Variants in PKNOX2 observed in about 807,000 individuals in gnomAD.
PKNOX2 encodes homeobox protein PKNOX2.
Under a neutral mutation model 53.1 loss-of-function variants are expected in PKNOX2, and 14 were observed. The ratio of observed to expected loss-of-function variants is 0.26; its 90% confidence interval spans 0.17 to 0.41. The LOEUF (loss-of-function observed/expected upper bound fraction) is 0.41. Among genes scored for constraint, PKNOX2 ranks in the 10% least tolerant of loss-of-function variants. PKNOX2 has a pLI of 1.00. For synonymous variants in PKNOX2, 257 were observed against 242.8 expected (o/e 1.06, Z -0.54); for missense variants, 496 against 602.8 (o/e 0.82, Z 1.85).
Position 125,189,417 on chromosome 11 carries a change from G to GTGTATATATATATGTGTGTATATATA in PKNOX2, c.-201+24644_-201+24645insATATATATATGTGTGTATATATATGT, listed in dbSNP as rs1233810916. 3.0e-3 allele frequency among the ~76,000 whole-genome samples: 139 copies of GTGTATATATATATGTGTGTATATATA among 46,478 alleles called. 7 individuals are homozygous for GTGTATATATATATGTGTGTATATATA. Among genetic ancestry groups the GTGTATATATATATGTGTGTATATATA allele is most frequent in the South Asian group, 0.014 (16 of 1,144 alleles). The allele number at this position is 46,478 out of a possible 152,430, so 30.5% of individuals were successfully genotyped here. A position where few individuals can be genotyped will look rare whatever the true frequency, so the allele number is the denominator to read the frequency against. ...TATATATGTGTGTATATATATATGT[G>GTGTATATATATATGTGTGTATATATA]TGTGTGTGTGTGTGTGTGTGTGTGT... On this transcript the variant is annotated intron_variant, in intron 1 of 12. Transcript: ENST00000298282.
chr11:125,384,915 G>T (rs975098280), intron 5 of PKNOX2, among the ~76,000 whole-genome samples: 17 of 152,304 alleles, frequency 1.1e-4, no homozygotes, highest in African/African-American at 4.1e-4. Flanking sequence ...CAAATGATTT[G>T]CATCACATAG....
chr11:125,400,592 C>T (rs765397124), intron 7 of PKNOX2, among the ~76,000 whole-genome samples: 1 of 152,164 alleles, frequency 6.6e-6, no homozygotes, highest in Non-Finnish European at 1.5e-5. Flanking sequence ...ACCATCACTC[C>T]ATGCCTGTCT....
intron 7 of PKNOX2, among the ~76,000 whole-genome samples, chr11:125,408,497 C>T (rs970965415): frequency 1.3e-5 from 2 of 152,166 alleles, no homozygotes; most frequent in Non-Finnish European, 2.9e-5. Flanking sequence ...GAGGCCCGTG[C>T]GGCAGGTGGG....
Position 125,379,787 on chromosome 11 carries a change from A to C in PKNOX2, c.228-5764A>C, listed in dbSNP as rs532585420. Among the ~76,000 whole-genome samples the C allele has an allele frequency of 7.9e-4, 121 of 152,338 alleles. 1 individual carries two copies. The highest frequency in any genetic ancestry group is 7.9e-3 in the South Asian group (38 of 4,820). The stretch of plus-strand genomic sequence containing the variant: ...ACCAGCAAATTTGGGTGATGTAAAA[A>C]ACACGAAGGCAGAAATGTCAGAAGT... On this transcript the variant is annotated intron_variant, in intron 5 of 12. Transcript: ENST00000298282.
At chr11:125,203,929 T>C (rs2015290) in intron 1 of PKNOX2, among the ~76,000 whole-genome samples, 33,095 of 152,092 alleles carry the variant, frequency 0.22, 3,823 homozygotes, top group African/African-American at 0.3. Context: ...CCCCAAACCA[T>C]GCTTCACTTT....
chr11:125,407,621 C>T (rs1013292758), intron 7 of PKNOX2, among the ~76,000 whole-genome samples: 1 of 152,008 alleles, frequency 6.6e-6, no homozygotes, highest in Non-Finnish European at 1.5e-5. Context: ...TACCTTCAAG[C>T]CTGGTGTGGT....
At chr11:125,424,565 G>T (rs1032226047) in intron 10 of PKNOX2, among the ~76,000 whole-genome samples, 1 of 152,154 alleles carries the variant, frequency 6.6e-6, no homozygotes, top group Non-Finnish European at 1.5e-5. Context: ...GGGGAAAAGC[G>T]TGTAGTGGAC....
At chr11:125,214,737 C>T (rs1324962087) in intron 1 of PKNOX2, among the ~76,000 whole-genome samples, 1 of 151,992 alleles carries the variant, frequency 6.6e-6, no homozygotes, top group Non-Finnish European at 1.5e-5. Flanking sequence ...CCTTGCCAAC[C>T]CTTAGACACA....
rs769334617 is a variant in PKNOX2 at position 125,385,702 on chromosome 11, G to A, written c.379G>A (p.Asp127Asn). ...GGAGCACAAACCCTTCTTCAGCGAT[G>A]ACCCAGAACTGGACAATCTGGTAAA... ...EQEHKPFFSD[D>N]PELDNLMVKA... Residue 127 changes from aspartate (D) to asparagine (N), a missense_variant, in exon 6 of 13, where the codon GAC (aspartate) becomes AAC (asparagine). Transcript: ENST00000298282. 1 of 1,613,734 alleles carries A rather than the reference G, an allele frequency of 6.2e-7. No individual in the cohort carries two copies. Among genetic ancestry groups the A allele is most frequent in the Admixed American group, 1.7e-5 (1 of 59,976 alleles).
intron 2 of PKNOX2, among the ~76,000 whole-genome samples, chr11:125,292,741 T>G (rs1301764621): frequency 1.3e-5 from 2 of 152,168 alleles, no homozygotes; most frequent in African/African-American, 4.8e-5. Flanking sequence ...AACGTTGTAG[T>G]CCTAGAGAGA....
intron 1 of PKNOX2, among the ~76,000 whole-genome samples, chr11:125,219,502 A>G (rs1469972404): frequency 6.6e-6 from 1 of 152,172 alleles, no homozygotes; most frequent in Non-Finnish European, 1.5e-5. Flanking sequence ...AAATTTTTAC[A>G]ACTCATATCA....
intron 2 of PKNOX2, among the ~76,000 whole-genome samples, chr11:125,314,640 G>A (rs913906673): frequency 5.3e-5 from 8 of 152,138 alleles, no homozygotes; most frequent in Admixed American, 2.6e-4. Flanking sequence ...TGGGAGCAGA[G>A]GAGGCAGTGC....
chr11:125,263,827 G>A (rs867762336), intron 2 of PKNOX2, among the ~76,000 whole-genome samples: 3 of 152,256 alleles, frequency 2.0e-5, no homozygotes, highest in Non-Finnish European at 4.4e-5. Context: ...TGGAAGAAGT[G>A]TCAGGTCTTT....
intron 1 of PKNOX2, among the ~76,000 whole-genome samples, chr11:125,174,535 C>T (rs907064490): frequency 2.6e-5 from 4 of 152,164 alleles, no homozygotes; most frequent in East Asian, 1.9e-4. Flanking sequence ...GCTGTACATG[C>T]GAGGTCCATC....
chr11:125,178,573 G>GGAAT (rs1252779651), intron 1 of PKNOX2, among the ~76,000 whole-genome samples: 1 of 34,166 alleles, frequency 2.9e-5, no homozygotes, highest in Non-Finnish European at 5.4e-5. Flanking sequence ...AACGAAGGAA[G>GGAAT]GAAGGAAGGA....
In PKNOX2 at chr11:125,165,337, G is replaced by T. The variant is rs1333459902; in HGVS notation, c.-201+561G>T. Among the ~76,000 whole-genome samples, 1 of 152,048 alleles carries T rather than the reference G, an allele frequency of 6.6e-6. No individual in the cohort carries two copies. The highest frequency in any genetic ancestry group is 2.4e-5 in the African/African-American group (1 of 41,434). On this transcript the variant is annotated intron_variant, in intron 1 of 12. Transcript: ENST00000298282. This position sits in a 1 kb window ranked among gnomAD's most constrained non-coding sequence, Gnocchi z 4.5. ...GGAACAGGCACGCCGGCCCGAGCCC[G>T]GGTGCAGAAGGCTCCCGGCCGGGCG...
At chr11:125,374,377 A>G (rs2135282744) in intron 5 of PKNOX2, among the ~76,000 whole-genome samples, 1 of 152,156 alleles carries the variant, frequency 6.6e-6, no homozygotes, top group Admixed American at 6.5e-5. Flanking sequence ...CTTCTGGTGG[A>G]TAGTCCCTGC....
intron 2 of PKNOX2, among the ~76,000 whole-genome samples, chr11:125,263,052 C>T (rs1034074923): frequency 6.6e-6 from 1 of 152,214 alleles, no homozygotes; most frequent in African/African-American, 2.4e-5. Flanking sequence ...AAGAGCACAG[C>T]ACAGAGGGCC....
chr11:125,332,692 A>G (rs1025343112), intron 3 of PKNOX2: 14 of 152,116 alleles, frequency 9.2e-5, no homozygotes, highest in African/African-American at 2.9e-4. Context: ...GGATTTTGTA[A>G]GTTTCCCTGA....
Sources: allele counts gnomAD v4.1 joint callset (sites outside exome capture counted in the v4.1 genomes callset), GRCh38; gene constraint gnomAD v4.1.1; non-coding constraint Gnocchi (gnomAD v3.1); transcripts MANE v1.5; gene names NCBI Gene and HGNC (gene_info 2026-07-23, HGNC 2026-07-21).